DLGAP1: variants seen among roughly 807,000 people sequenced by gnomAD.
The protein encoded by DLGAP1 is disks large-associated protein 1.
Under a neutral mutation model 90.8 loss-of-function variants are expected in DLGAP1, and 11 were observed. The observed-to-expected ratio is 0.12, with a 90% CI of 0.08 to 0.20. DLGAP1 has a LOEUF of 0.20. Ranked by LOEUF, DLGAP1 falls within the 10% of genes least tolerant of loss-of-function variation. DLGAP1 has a pLI of 1.00. For synonymous variants in DLGAP1, 558 were observed against 540.7 expected (o/e 1.03, Z -0.44); for missense variants, 1,050 against 1,333.8 (o/e 0.79, Z 3.31).
intron 1 of DLGAP1, among the ~76,000 whole-genome samples, chr18:4,261,540 CT>C (rs2079002799): frequency 6.6e-6 from 1 of 152,158 alleles, no homozygotes; most frequent in African/African-American, 2.4e-5. Context: ...AACTTATCTA[CT>C]CTAGAAAACA....
intron 3 of DLGAP1, among the ~76,000 whole-genome samples, chr18:3,979,322 A>AG (rs1178217044): frequency 6.6e-6 from 1 of 152,340 alleles, no homozygotes; most frequent in East Asian, 1.9e-4. Context: ...CCATGTGTAC[A>AG]GGTTTGCAGC....
chr18:3,551,642 TTCTC>T (rs1240872645), intron 9 of DLGAP1, among the ~76,000 whole-genome samples: 1 of 27,406 alleles, frequency 3.6e-5, no homozygotes, highest in Non-Finnish European at 9.3e-5. Context: ...TTTCCTTCCT[TTCTC>T]TCTCTCTTTG....
At chr18:3,534,694 C>CTTTTTTTTTTTTT in intron 9 of DLGAP1, 79 bp from the exon 10 acceptor site, 1 of 901,618 alleles carries the variant, frequency 1.1e-6, no homozygotes, top group Non-Finnish European at 1.5e-6. Flanking sequence ...TCCTTTCTTT[C>CTTTTTTTTTTTTT]TTTTTTTTTT....
chr18:4,220,734 C>T (rs1293400232), intron 1 of DLGAP1, among the ~76,000 whole-genome samples: 1 of 152,048 alleles, frequency 6.6e-6, no homozygotes, highest in Non-Finnish European at 1.5e-5. Context: ...AACAAACCTA[C>T]AAATCTATCT....
intron 1 of DLGAP1, among the ~76,000 whole-genome samples, chr18:4,169,570 C>T (rs1364456742): frequency 6.6e-6 from 1 of 152,126 alleles, no homozygotes; most frequent in Non-Finnish European, 1.5e-5. Flanking sequence ...AAAAACATCC[C>T]AGCTCCCTCA....
chr18:3,572,069 G>GTT (rs67491547), intron 8 of DLGAP1, among the ~76,000 whole-genome samples: 178 of 105,594 alleles, frequency 1.7e-3, no homozygotes, highest in African/African-American at 4.2e-3. Context: ...TTTCTTCTAG[G>GTT]TTTTTTTTTT....
chr18:4,283,644 GAA>G (rs2079608524), intron 1 of DLGAP1, among the ~76,000 whole-genome samples: 1 of 152,120 alleles, frequency 6.6e-6, no homozygotes, highest in South Asian at 2.1e-4. Flanking sequence ...AGTTTATAAA[GAA>G]AGTTTTAAAG....
Position 3,879,309 on chromosome 18 carries a change from T to C in DLGAP1, c.760A>G (p.Asn254Asp). 6.3e-7 allele frequency: 1 copy of C among 1,598,426 alleles called. No individual in the cohort carries two copies. Among genetic ancestry groups the C allele is most frequent in the Non-Finnish European group, 8.5e-7 (1 of 1,171,944 alleles). ...SEQAVKASRS[N>D]NDVKCSTCAN... ...CAGGTGGAGCACTTGACGTCGTTGT[T>C]GCTCCGGGAGGCCTTCACCGCCTGC... The change falls in exon 4 of 13, where the codon AAC becomes GAC. Residue 254 changes from asparagine to aspartate, a missense_variant. Asn to Asp is a conservative substitution (Grantham distance 23). Around this residue, in one of 2 missense-constraint regions of DLGAP1, gnomAD observed 485 missense variants for 454.1 expected, o/e 1.07. Coordinates refer to ENST00000315677, the MANE Select transcript of DLGAP1 (RefSeq NM_004746.4). This position sits in a 1 kb window ranked among gnomAD's most constrained non-coding sequence, Gnocchi z 6.6.
intron 7 of DLGAP1, among the ~76,000 whole-genome samples, chr18:3,638,569 G>C (rs1454609272): frequency 2.0e-5 from 3 of 152,038 alleles, no homozygotes; most frequent in African/African-American, 7.2e-5. Flanking sequence ...CCCATCTTGT[G>C]ATTTTATATT....
chr18:4,089,784 GC>G (rs2075741124), intron 2 of DLGAP1, among the ~76,000 whole-genome samples: 2 of 152,296 alleles, frequency 1.3e-5, no homozygotes, highest in South Asian at 4.1e-4. Context: ...GGTGGCTCAC[GC>G]CTGTAGTCCC....
rs373118961 is a variant in DLGAP1, at chr18:3,777,970, G to A, written c.1173-35458C>T. ...AGAACTCAAATGGAATGAATCCTTC[G>A]TAAGTAAGCAGACTCTCACATCTGT... On this transcript the variant is annotated intron_variant, in intron 5 of 12. Coordinates refer to ENST00000315677, the MANE Select transcript of DLGAP1 (RefSeq NM_004746.4). 3.3e-5 allele frequency among the ~76,000 whole-genome samples: 5 copies of A among 152,134 alleles called. No individual in the cohort carries two copies. The East Asian group carries it at 7.7e-4, about 23-fold the overall frequency.
intron 7 of DLGAP1, among the ~76,000 whole-genome samples, chr18:3,646,144 C>T (rs771755234): frequency 1.3e-4 from 19 of 151,992 alleles, no homozygotes; most frequent in Non-Finnish European, 2.6e-4. Flanking sequence ...GCCTGTAATC[C>T]CAGCAGTTTA....
intron 7 of DLGAP1, among the ~76,000 whole-genome samples, chr18:3,600,765 GAT>G (rs74173791): frequency 0.064 from 1,272 of 19,910 alleles, 263 homozygotes; most frequent in African/African-American, 0.088. Context: ...TAGATATATA[GAT>G]ATATATAGAT....
intron 1 of DLGAP1, among the ~76,000 whole-genome samples, chr18:4,277,990 ATT>A (rs33929950): frequency 1.9e-4 from 28 of 148,474 alleles, no homozygotes; most frequent in African/African-American, 5.9e-4. Context: ...AAGAGATTGC[ATT>A]TTTTTTTTTC....
intron 1 of DLGAP1, among the ~76,000 whole-genome samples, chr18:4,387,269 A>G (rs2082248586): frequency 1.3e-5 from 2 of 152,186 alleles, no homozygotes; most frequent in African/African-American, 2.4e-5. Context: ...TTCTTTGGGG[A>G]GTAAAAAAAG....
chr18:3,897,990 T>C (rs571359104), intron 3 of DLGAP1, among the ~76,000 whole-genome samples: 6 of 151,872 alleles, frequency 4.0e-5, no homozygotes, highest in Non-Finnish European at 8.8e-5. Flanking sequence ...GAGACGGGGT[T>C]TCACCTTGTT....
chr18:4,069,484 G>A (rs547218945), intron 2 of DLGAP1, among the ~76,000 whole-genome samples: 5 of 152,242 alleles, frequency 3.3e-5, no homozygotes, highest in African/African-American at 1.2e-4. Context: ...CATGGAGGCA[G>A]GTTTCTAATG....
intron 3 of DLGAP1, among the ~76,000 whole-genome samples, chr18:3,976,387 A>C (rs969260365): frequency 7.9e-5 from 12 of 151,886 alleles, no homozygotes; most frequent in Non-Finnish European, 1.8e-4. Context: ...GGTGAATTTT[A>C]TGTTATACAT....
intron 1 of DLGAP1, among the ~76,000 whole-genome samples, chr18:4,291,274 T>A (rs549496921): frequency 5.5e-4 from 83 of 152,260 alleles, no homozygotes; most frequent in Admixed American, 1.4e-3. Flanking sequence ...TTTGTACAAA[T>A]AAGTACAGGG....
Sources: gnomAD v4.1 joint callset for allele counts (sites outside exome capture counted in the v4.1 genomes callset) on GRCh38, gnomAD v4.1.1 for gene constraint, gnomAD v4.1.1 regional missense constraint, Gnocchi (gnomAD v3.1) non-coding constraint, MANE v1.5 for transcripts, NCBI Gene and HGNC (gene_info 2026-07-23, HGNC 2026-07-21) for gene names.